The following TLCD4 variants were observed in gnomAD, a reference collection of about 807,000 sequenced individuals.
The protein encoded by TLCD4 is TLC domain-containing protein 4.
A neutral mutation model predicts 24.2 loss-of-function variants in TLCD4; 7 were observed. The ratio of observed to expected loss-of-function variants is 0.29; its 90% confidence interval spans 0.16 to 0.54. The LOEUF is 0.54. TLCD4 is among the 20% of genes least tolerant of loss of function. TLCD4 has a pLI of 0.95. For synonymous variants in TLCD4, 103 were observed against 106.4 expected, an observed-to-expected ratio of 0.97 and a Z score of 0.20; for missense variants, 259 against 313.9, an observed-to-expected ratio of 0.82 and a Z score of 1.32.
At chr1:95,171,332 C>T (rs770956151) in intron 5 of TLCD4, among the ~76,000 whole-genome samples, 1 of 152,100 alleles carries the variant, frequency 6.6e-6, no homozygotes, top group Non-Finnish European at 1.5e-5. Context: ...ACTGAAAATC[C>T]TGCAGCCCGG....
intron 6 of TLCD4, among the ~76,000 whole-genome samples, chr1:95,180,530 A>G (rs1367520010): frequency 6.6e-6 from 1 of 152,170 alleles, no homozygotes; most frequent in Admixed American, 6.5e-5. Context: ...AGAGCTTTGT[A>G]TATAAGAAGG....
chr1:95,120,237 G>T (rs929890023), intron 1 of TLCD4: 1 of 152,164 alleles, frequency 6.6e-6, no homozygotes, highest in African/African-American at 2.4e-5. Context: ...ACCTGGCATT[G>T]GTATCAGGCG....
chr1:95,172,570 C>T (rs12127208), intron 5 of TLCD4, among the ~76,000 whole-genome samples: 304 of 152,228 alleles, frequency 2.0e-3, no homozygotes, highest in South Asian at 6.6e-3. Flanking sequence ...TTCCTTCTTC[C>T]TCATCACAAA....
At position 95,150,146 on chromosome 1, in the gene TLCD4, A is replaced by G. The variant is rs905016900; in HGVS notation, c.246-62A>G. 3.9e-6 allele frequency: 6 copies of G among 1,544,538 alleles called. No individual in the cohort carries two copies. In the African/African-American group the frequency reaches 7.0e-5, roughly 18 times the overall value. ...TTATTATATTTAAATCTCTATAGAA[A>G]AAAGAAGTAGCGGTCATCTACAATC... is the stretch of plus-strand genomic sequence containing the variant. On this transcript the variant is annotated intron_variant, in intron 3 of 6. Transcript: ENST00000370203.
intron 1 of TLCD4, among the ~76,000 whole-genome samples, chr1:95,128,469 G>A (rs1214385602): frequency 2.6e-5 from 4 of 152,166 alleles, no homozygotes; most frequent in African/African-American, 7.2e-5. Flanking sequence ...AGGAATAAAA[G>A]TTTTGTTAAA....
At chr1:95,157,798 A>G (rs898058169) in intron 5 of TLCD4, among the ~76,000 whole-genome samples, 17 of 152,182 alleles carry the variant, frequency 1.1e-4, no homozygotes, top group African/African-American at 4.1e-4. Flanking sequence ...AAGCCGCAAG[A>G]CTTCTTAGGA....
chr1:95,168,271 G>C (rs1678087991), intron 5 of TLCD4, among the ~76,000 whole-genome samples: 1 of 152,060 alleles, frequency 6.6e-6, no homozygotes, highest in African/African-American at 2.4e-5. Flanking sequence ...CTTTCTTTTA[G>C]ACTACATCCT....
chr1:95,108,182 T>C, the TLCD4 span, among the ~76,000 whole-genome samples: 1 of 152,172 alleles, frequency 6.6e-6, no homozygotes, highest in Non-Finnish European at 1.5e-5. Context: ...CAGATATTTT[T>C]TCCAGTTTGT....
intron 1 of TLCD4, among the ~76,000 whole-genome samples, chr1:95,139,856 A>G (rs1038852436): frequency 2.0e-5 from 3 of 152,156 alleles, no homozygotes; most frequent in African/African-American, 7.2e-5. Context: ...GCTTTCTTCT[A>G]TTTTTACAAT....
chr1:95,168,554 CTTTTTTTTTTTT>C (rs34574043), intron 5 of TLCD4, among the ~76,000 whole-genome samples: 1 of 51,152 alleles, frequency 2.0e-5, no homozygotes, highest in East Asian at 6.3e-4. Flanking sequence ...TGTGAGTGAG[CTTTTTTTTTTTT>C]TTTTTTTTTT....
At chr1:95,111,323 AAAAAGAAAAG>A in the TLCD4 span, among the ~76,000 whole-genome samples, 1 of 128,224 alleles carries the variant, frequency 7.8e-6, no homozygotes, top group Non-Finnish European at 1.6e-5. Flanking sequence ...CAAAACAAAA[AAAAAGAAAAG>A]AAAAGAAAAG....
chr1:95,111,526 T>C, the TLCD4 span, among the ~76,000 whole-genome samples: 3 of 152,122 alleles, frequency 2.0e-5, no homozygotes, highest in African/African-American at 7.2e-5. Flanking sequence ...GTTTACAAGA[T>C]ATAAGCCACA....
upstream of TLCD4, among the ~76,000 whole-genome samples, chr1:95,114,645 C>T (rs965087898): frequency 6.6e-6 from 1 of 152,042 alleles, no homozygotes; most frequent in Admixed American, 6.6e-5. Flanking sequence ...GCCTAGCCAA[C>T]ATGGTGAAAC....
At chr1:95,153,971 C>T (rs1006221855) in intron 5 of TLCD4, among the ~76,000 whole-genome samples, 1 of 152,026 alleles carries the variant, frequency 6.6e-6, no homozygotes, top group Non-Finnish European at 1.5e-5. Context: ...AGAAAGACAT[C>T]CTCAGTGATT....
chr1:95,153,029 A>G (rs919432837), intron 5 of TLCD4, among the ~76,000 whole-genome samples: 1 of 147,110 alleles, frequency 6.8e-6, no homozygotes, highest in African/African-American at 2.5e-5. Context: ...AAATCATTCA[A>G]TATGCATCAA....
chr1:95,166,284 C>T (rs966038846), intron 5 of TLCD4, among the ~76,000 whole-genome samples: 1 of 152,106 alleles, frequency 6.6e-6, no homozygotes, highest in African/African-American at 2.4e-5. Flanking sequence ...AACCATGCCA[C>T]ACTGTGGTAT....
chr1:95,161,760 C>T (rs1186000980), intron 5 of TLCD4, among the ~76,000 whole-genome samples: 1 of 152,126 alleles, frequency 6.6e-6, no homozygotes, highest in African/African-American at 2.4e-5. Flanking sequence ...TCGTTATGTA[C>T]CCAGTAGTCA....
intron 1 of TLCD4, among the ~76,000 whole-genome samples, chr1:95,119,764 T>C (rs1676519737): frequency 1.3e-5 from 2 of 150,710 alleles, no homozygotes; most frequent in Non-Finnish European, 3.0e-5. Flanking sequence ...TAGAGGAAAA[T>C]GGGCAGTTTA....
intron 5 of TLCD4, among the ~76,000 whole-genome samples, chr1:95,161,209 A>G (rs562278349): frequency 4.6e-5 from 7 of 152,228 alleles, no homozygotes; most frequent in Admixed American, 2.6e-4. Context: ...CAGGGATTCA[A>G]CTTCTTCCTG....
Sources: allele counts gnomAD v4.1 joint callset (sites outside exome capture counted in the v4.1 genomes callset), GRCh38; gene constraint gnomAD v4.1.1; transcripts MANE v1.5; gene names NCBI Gene and HGNC (gene_info 2026-07-23, HGNC 2026-07-21).